ANAPC4: variants seen among roughly 807,000 people sequenced by gnomAD.
The protein encoded by ANAPC4 is anaphase promoting complex subunit 4.
Under a neutral mutation model 119.8 loss-of-function variants are expected in ANAPC4, and 63 were observed. The ratio of observed to expected loss-of-function variants is 0.53; its 90% CI spans 0.43 to 0.65. ANAPC4 has a LOEUF of 0.65. ANAPC4 is among the 30% of genes least tolerant of loss of function. The pLI, the probability that ANAPC4 is intolerant of heterozygous loss-of-function variation, is 0.00. For missense variants in ANAPC4, 716 were observed against 945.1 expected, an observed-to-expected ratio of 0.76 and a Z score of 3.18; for synonymous variants, 283 against 318.6, an observed-to-expected ratio of 0.89 and a Z score of 1.19.
chr4:25,380,619 C>G (rs1304055884), intron 3 of ANAPC4, 140 bp downstream of exon 3: 2 of 494,910 alleles, frequency 4.0e-6, no homozygotes, highest in Non-Finnish European at 6.6e-6. Flanking sequence ...AAAAAAAATG[C>G]CTTAAAATAT....
intron 2 of ANAPC4, among the ~76,000 whole-genome samples, chr4:25,379,358 G>C (rs1448873463): frequency 1.3e-5 from 2 of 152,200 alleles, no homozygotes; most frequent in East Asian, 3.8e-4. Context: ...GAATGGCCTA[G>C]GGGTCTGTAG....
intron 14 of ANAPC4, 38 bp from the exon 15 acceptor site, chr4:25,396,626 C>T (rs1722667861): frequency 2.1e-6 from 3 of 1,428,268 alleles, no homozygotes; most frequent in African/African-American, 1.4e-5. Flanking sequence ...ACTTGATGAT[C>T]GTCATGATAC....
At chr4:25,410,465 C>G (rs1198432208) in intron 21 of ANAPC4, among the ~76,000 whole-genome samples, 1 of 152,146 alleles carries the variant, frequency 6.6e-6, no homozygotes, top group Non-Finnish European at 1.5e-5. Flanking sequence ...CATATACACA[C>G]AATACCTGCT....
At position 25,405,135 on chromosome 4, in the gene ANAPC4, C is replaced by T. The variant is rs1304608771; in HGVS notation, c.1271-438C>T. Among the ~76,000 whole-genome samples, 1 of 150,738 alleles carries T rather than the reference C, an allele frequency of 6.6e-6. No individual in the cohort carries two copies. The highest frequency in any genetic ancestry group is 1.9e-4 in the East Asian group (1 of 5,170). On this transcript the variant is annotated intron_variant, in intron 17 of 28. Transcript: ENST00000315368. The surrounding 1 kb of genome is among the most constrained non-coding windows in gnomAD (Gnocchi z 4.6). ...ACAGATACTAGATCAAAGAAAAGTA[C>T]ATAAATATACTGTAAGCGCGTAGCA...
chr4:25,416,367 A>G (rs1420578076), intron 26 of ANAPC4, 58 bp from the exon 27 acceptor site: 11 of 1,240,266 alleles, frequency 8.9e-6, no homozygotes, highest in Non-Finnish European at 1.1e-5. Context: ...ACATGCATAC[A>G]ATATTTTCTC....
At chr4:25,390,448 C>G (rs1217821611) in intron 8 of ANAPC4, among the ~76,000 whole-genome samples, 2 of 151,726 alleles carry the variant, frequency 1.3e-5, no homozygotes, top group Non-Finnish European at 2.9e-5. Flanking sequence ...TTTTCTTTAA[C>G]AGAAAGATTA....
intron 14 of ANAPC4, chr4:25,395,400 A>G (rs554700666): frequency 6.6e-6 from 1 of 152,352 alleles, no homozygotes; most frequent in South Asian, 2.1e-4. Context: ...ATCCATAGCT[A>G]CTTCATTGAA....
intron 1 of ANAPC4, 35 bp from the exon 2 acceptor site, chr4:25,377,383 G>C: frequency 1.2e-6 from 2 of 1,607,702 alleles, no homozygotes; most frequent in Non-Finnish European, 1.7e-6. Flanking sequence ...AGAGCCGGGG[G>C]CTCCTGCCGG....
intron 20 of ANAPC4, among the ~76,000 whole-genome samples, chr4:25,407,656 G>A (rs1281445954): frequency 6.6e-6 from 1 of 151,812 alleles, no homozygotes; most frequent in Non-Finnish European, 1.5e-5. Context: ...GTTTATGTGA[G>A]TTGTTATTTA....
At chr4:25,394,958 T>A in intron 14 of ANAPC4, 53 bp downstream of exon 14, 2 of 1,382,388 alleles carry the variant, frequency 1.4e-6, no homozygotes, top group South Asian at 1.3e-5. Context: ...TACCTGGCGT[T>A]GGCCTTCTTT....
intron 21 of ANAPC4, 152 bp from the exon 22 acceptor site, chr4:25,413,493 A>G: frequency 1.8e-6 from 1 of 543,094 alleles, no homozygotes; most frequent in Non-Finnish European, 3.2e-6. Context: ...GTCGTTTTTA[A>G]TGAGGTTGTG....
chr4:25,388,701 C>G lies in ANAPC4; in HGVS notation c.444-16C>G. ...TACTAAGAGTATTTTTTACCTTAAT[C>G]TCTGTTTCCTTCTAGCTATAGCAAC... On this transcript the variant is annotated splice_polypyrimidine_tract_variant and intron_variant, in intron 5 of 28. Coordinates refer to ENST00000315368, the MANE Select transcript of ANAPC4 (RefSeq NM_013367.3). 6.2e-7 allele frequency: 1 copy of G among 1,600,520 alleles called. No homozygotes were observed. Among genetic ancestry groups the G allele is most frequent in the Non-Finnish European group, 8.5e-7 (1 of 1,172,612 alleles).
intron 26 of ANAPC4, 26 bp from the exon 27 acceptor site, chr4:25,416,399 T>C (rs371624406): frequency 4.1e-5 from 58 of 1,414,860 alleles, no homozygotes; most frequent in Non-Finnish European, 5.2e-5. Flanking sequence ...TCATCTTTGA[T>C]ATAACAAAAC....
At chr4:25,411,012 TGAATGAA>T (rs1577398605) in intron 21 of ANAPC4, among the ~76,000 whole-genome samples, 1 of 152,100 alleles carries the variant, frequency 6.6e-6, no homozygotes, top group East Asian at 1.9e-4. Context: ...AATGAATGAA[TGAATGAA>T]TGAATGAATG....
chr4:25,404,963 TGTTACTGACCAAATGC>T (rs974854225), intron 17 of ANAPC4, among the ~76,000 whole-genome samples: 34 of 152,096 alleles, frequency 2.2e-4, no homozygotes, highest in East Asian at 7.7e-4. Flanking sequence ...CTGACTTGCT[TGTTACTGACCAAATGC>T]AATTAAGAAC....
In ANAPC4 at chr4:25,414,378, A is replaced by G; in HGVS notation, c.1678A>G (p.Thr560Ala). 1 of 1,604,636 alleles carries G rather than the reference A, an allele frequency of 6.2e-7. No individual in the cohort carries two copies. The highest frequency in any genetic ancestry group is 8.5e-7 in the Non-Finnish European group (1 of 1,173,682). Residue 560 changes from threonine (T) to alanine (A), a missense_variant, in exon 23 of 29, where the codon ACC becomes GCC. By Grantham distance (58) the Thr-to-Ala change is moderately conservative (BLOSUM62 0). Around this residue, in one of 3 missense-constraint regions of ANAPC4, gnomAD observed 504 missense variants for 615.8 expected, o/e 0.82. Coordinates refer to ENST00000315368, the MANE Select transcript of ANAPC4 (RefSeq NM_013367.3). ...QAICIPLYRD[T>A]RSEDSTRRLF... ...AATCTGTATTCCATTGTATAGAGAT[A>G]CCAGAAGGTAATTCTGTTTACCTAT...
At chr4:25,379,466 C>T (rs1364775569) in intron 2 of ANAPC4, among the ~76,000 whole-genome samples, 1 of 152,124 alleles carries the variant, frequency 6.6e-6, no homozygotes, top group African/African-American at 2.4e-5. Context: ...CATCAAGCAT[C>T]AAGGAAGACA....
In ANAPC4 at chr4:25,414,392, C is replaced by G. The variant is rs774099939; in HGVS notation, c.1685+7C>G. The G allele has an allele frequency of 6.2e-7, 1 of 1,602,186 alleles. No individual in the cohort carries two copies. The highest frequency in any genetic ancestry group is 8.5e-7 in the Non-Finnish European group (1 of 1,172,318). On this transcript the variant is annotated splice_region_variant and intron_variant, in intron 23 of 28. Coordinates refer to ENST00000315368, the MANE Select transcript of ANAPC4 (RefSeq NM_013367.3). ...TGTATAGAGATACCAGAAGGTAATT[C>G]TGTTTACCTATTGGATGGTGTAATT...
intron 2 of ANAPC4, 151 bp from the exon 3 acceptor site, chr4:25,380,223 C>A (rs1451917550): frequency 1.0e-5 from 5 of 493,578 alleles, no homozygotes; most frequent in Non-Finnish European, 1.8e-5. Context: ...ACCTTGTGTT[C>A]ATTCAGACAC....
Sources: gnomAD v4.1 joint callset for allele counts (sites outside exome capture counted in the v4.1 genomes callset) on GRCh38, gnomAD v4.1.1 for gene constraint, gnomAD v4.1.1 regional missense constraint, Gnocchi (gnomAD v3.1) non-coding constraint, MANE v1.5 for transcripts, NCBI Gene and HGNC (gene_info 2026-07-23, HGNC 2026-07-21) for gene names.